FLG2: variants seen among roughly 807,000 people sequenced by gnomAD.
The protein encoded by FLG2 is filaggrin-2.
Under a neutral mutation model 3.9 loss-of-function variants are expected in FLG2, and 7 were observed. That is an observed-to-expected ratio of 1.79 (90% confidence interval 1.02 to 3.36). The LOEUF (loss-of-function observed/expected upper bound fraction) is 3.36. Ranked by LOEUF, FLG2 falls within the 30% of genes most tolerant of loss-of-function variation. The probability of loss-of-function intolerance (pLI) is 0.00; values close to 1 mark genes in which losing one functional copy is unlikely to be tolerated. For synonymous variants in FLG2, 1,031 were observed against 1,056.1 expected (o/e 0.98, Z 0.46); for missense variants, 2,700 against 2,809.4 (o/e 0.96, Z 0.88).
chr1:152,357,057 T>C lies in FLG2; in HGVS notation c.729A>G (p.Gly243=). The C allele has an allele frequency of 1.9e-6, 3 of 1,614,198 alleles. No homozygotes were observed. Among genetic ancestry groups the C allele is most frequent in the Non-Finnish European group, 2.5e-6 (3 of 1,180,032 alleles). The change falls in exon 3 of 3, where the codon GGA becomes GGG. Residue 243 remains glycine, a synonymous_variant. Coordinates refer to ENST00000388718, the MANE Select transcript of FLG2 (RefSeq NM_001014342.3). The part of the protein sequence containing the change: ...ERKGHGGLSC[G]LETSGHESNS... ...TTGATTCATGCCCACTAGTCTCCAA[T>C]CCACATGACAGACCACCATGACCTT...
In FLG2 at chr1:152,353,623, T is replaced by C; in HGVS notation, c.4163A>G (p.His1388Arg). ...GESESTVHER[H>R]ETTYGQTGEA... ...TCCTGTCTGTCCATAAGTAGTTTCA[T>C]GTCTCTCATGAACTGTGGATTCTGA... is the stretch of plus-strand genomic sequence containing the variant. The change falls in exon 3 of 3, where the codon CAT (histidine) becomes CGT (arginine). Residue 1388 changes from histidine to arginine, a missense_variant. His to Arg is a conservative substitution (Grantham distance 29). Transcript: ENST00000388718. 6.2e-7 allele frequency: 1 copy of C among 1,614,102 alleles called. No homozygotes were observed. Among genetic ancestry groups the C allele is most frequent in the Non-Finnish European group, 8.5e-7 (1 of 1,180,022 alleles).
chr1:152,356,107 C>T lies in FLG2; in HGVS notation c.1679G>A (p.Gly560Glu). The T allele has an allele frequency of 1.2e-6, 2 of 1,613,728 alleles. No homozygotes were observed. The highest frequency in any genetic ancestry group is 1.7e-6 in the Non-Finnish European group (2 of 1,179,994). The change falls in exon 3 of 3, where the codon GGG (glycine) becomes GAG (glutamate). Residue 560 changes from glycine to glutamate, a missense_variant. Gly to Glu is a moderately conservative substitution (Grantham distance 98). Transcript: ENST00000388718. ...SSQSSGYGQY[G>E]SRETSGFGQH... ...TCCAAAGCCAGATGTCTCTCTAGAC[C>T]CATATTGGCCATAGCCAGATGATTG...
chr1:152,351,525 A>G lies in FLG2; in HGVS notation c.6261T>C (p.His2087=), dbSNP rs1189340706. 2 of 1,611,814 alleles carry G rather than the reference A, an allele frequency of 1.2e-6. No individual in the cohort carries two copies. The highest frequency in any genetic ancestry group is 1.7e-6 in the Non-Finnish European group (2 of 1,179,574). ...TTGACCCTCTCTGTGTGGACTGTCC[A>G]TGACCAGAGTGAGCATGTCTAGTGG... is the stretch of plus-strand genomic sequence containing the variant. The part of the protein sequence containing the change: ...GDTTRHAHSG[H]GQSTQRGSRT... Residue 2087 remains histidine (H), a synonymous_variant, in exon 3 of 3, where the codon CAT becomes CAC. Coordinates refer to ENST00000388718, the MANE Select transcript of FLG2 (RefSeq NM_001014342.3).
At position 152,355,222 on chromosome 1, in the gene FLG2, G is replaced by A; in HGVS notation, c.2564C>T (p.Ser855Leu). The A allele has an allele frequency of 1.9e-6, 3 of 1,610,444 alleles. No individual in the cohort carries two copies. The highest frequency in any genetic ancestry group is 2.5e-6 in the Non-Finnish European group (3 of 1,179,084). ...YGQHGSGSSQSSGYGQHGSSS... is the reference protein window; with the variant it reads ...YGQHGSGSSQLSGYGQHGSSS... The stretch of plus-strand genomic sequence containing the variant: ...TGACCCATGTTGACCATAGCCAGAT[G>A]ATTGACTTGAGCCAGAACCATGTTG... Residue 855 changes from serine (S) to leucine (L), a missense_variant, in exon 3 of 3, where the codon TCA becomes TTA. Physicochemically the swap from Ser to Leu is moderately radical, Grantham distance 145. Transcript: ENST00000388718.
At position 152,351,031 on chromosome 1, in the gene FLG2, C is replaced by T; in HGVS notation, c.6755G>A (p.Gly2252Glu). The change falls in exon 3 of 3, where the codon GGA becomes GAA. Residue 2252 changes from glycine (G) to glutamate (E), a missense_variant. Transcript: ENST00000388718. Reference sequence around the variant, plus strand: ...GTCACTGGACTCACTGTGGCCAGATCCCCTTCTTCCAGTTGTCCTGGACCC... The same window carrying T: ...GTCACTGGACTCACTGTGGCCAGATTCCCTTCTTCCAGTTGTCCTGGACCC... ...QRGSRTTGRRGSGHSESSDSE... is the reference protein window; with the variant it reads ...QRGSRTTGRRESGHSESSDSE... The T allele has an allele frequency of 6.2e-7, 1 of 1,610,438 alleles. No individual in the cohort carries two copies. The highest frequency in any genetic ancestry group is 8.5e-7 in the Non-Finnish European group (1 of 1,179,224).
At position 152,348,738 on chromosome 1, in the gene FLG2, A is replaced by G. The variant is rs1653796660; in HGVS notation, c.*1872T>C. The stretch of plus-strand genomic sequence containing the variant: ...GGAGATGAAAGAGAAGAGAAACTAT[A>G]ACTTGATGAAATGTTTATTGCCAAT... On this transcript the variant is annotated 3_prime_UTR_variant, in exon 3 of 3. Transcript: ENST00000388718. The G allele has an allele frequency of 6.6e-6, 1 of 152,212 alleles. No homozygotes were observed. Among genetic ancestry groups the G allele is most frequent in the Admixed American group, 6.5e-5 (1 of 15,280 alleles). 9.4% of individuals were successfully genotyped at this position (152,212 alleles called of 1,614,324 possible).
chr1:152,352,313 T>G lies in FLG2; in HGVS notation c.5473A>C (p.Thr1825Pro), dbSNP rs1293787266. ...FSQRPHSRGH[T>P]HGQAGSQHGE... is the part of the protein sequence containing the mutation. ...TGTTGAGATCCAGCCTGGCCGTGAGTGTGTCCTCGTGAGTGTGGTCTTTGT... is the reference window on the plus strand; with the variant it reads ...TGTTGAGATCCAGCCTGGCCGTGAGGGTGTCCTCGTGAGTGTGGTCTTTGT... Residue 1825 changes from threonine (T) to proline (P), a missense_variant, in exon 3 of 3, where the codon ACT becomes CCT. Coordinates refer to ENST00000388718, the MANE Select transcript of FLG2 (RefSeq NM_001014342.3). The G allele has an allele frequency of 1.9e-6, 3 of 1,613,182 alleles. No homozygotes were observed. Among genetic ancestry groups the G allele is most frequent in the Non-Finnish European group, 1.7e-6 (2 of 1,179,750 alleles).
chr1:152,358,146 C>G (rs533610902), intron 2 of FLG2, among the ~76,000 whole-genome samples: 4 of 151,882 alleles, frequency 2.6e-5, no homozygotes, highest in Non-Finnish European at 5.9e-5. Context: ...CTCAGCCTCC[C>G]GAGTAGCTGG....
In FLG2 at chr1:152,352,681, G is replaced by GT; in HGVS notation, c.5104dup (p.Thr1702AsnfsTer3). The GT allele has an allele frequency of 6.2e-7, 1 of 1,613,696 alleles. No individual in the cohort carries two copies. The highest frequency in any genetic ancestry group is 8.5e-7 in the Non-Finnish European group (1 of 1,179,900). ...ATGATGATAGTGGGCATGTCTAGTGGTATCTCCTGTCTGTCCATGAGTAGT... is the reference window on the plus strand; with the variant it reads ...ATGATGATAGTGGGCATGTCTAGTGGTTATCTCCTGTCTGTCCATGAGTAGT... On this transcript the variant is annotated frameshift_variant, in exon 3 of 3. Coordinates refer to ENST00000388718, the MANE Select transcript of FLG2 (RefSeq NM_001014342.3). LOFTEE classifies it low-confidence loss of function (END_TRUNC).
At chr1:152,358,550 G>C (rs1467210457) in intron 2 of FLG2, among the ~76,000 whole-genome samples, 197 bp downstream of exon 2, 1 of 152,176 alleles carries the variant, frequency 6.6e-6, no homozygotes, top group Non-Finnish European at 1.5e-5. Flanking sequence ...GGAGTGCATA[G>C]GTGGAAAAGT....
chr1:152,357,995 C>A (rs184980968), intron 2 of FLG2, among the ~76,000 whole-genome samples: 2 of 151,610 alleles, frequency 1.3e-5, no homozygotes, highest in East Asian at 1.9e-4. Context: ...TGGAATTTAT[C>A]ATCTATTATT....
In FLG2 at chr1:152,350,914, T is replaced by A; in HGVS notation, c.6872A>T (p.His2291Leu). 1 of 1,613,902 alleles carries A rather than the reference T, an allele frequency of 6.2e-7. No homozygotes were observed. The highest frequency in any genetic ancestry group is 8.5e-7 in the Non-Finnish European group (1 of 1,179,958). Residue 2291 changes from histidine to leucine, a missense_variant, in exon 3 of 3, where the codon CAT (histidine) becomes CTT (leucine). Coordinates refer to ENST00000388718, the MANE Select transcript of FLG2 (RefSeq NM_001014342.3). ...TCCATGAGTAGTTTCCAGTCTCCCA[T>A]GAACTGTGGATCCTGGCTGTCTTTG... The part of the protein sequence containing the change: ...SQQRQPGSTV[H>L]GRLETTHGQT...
At chr1:152,358,928 A>G (rs1263957638) in intron 1 of FLG2, 22 bp from the exon 2 acceptor site, 13 of 1,581,320 alleles carry the variant, frequency 8.2e-6, no homozygotes, top group Non-Finnish European at 1.1e-5. Context: ...AAAACAAAGA[A>G]CCCTATTATT....
At position 152,354,316 on chromosome 1, in the gene FLG2, C is replaced by A. The variant is rs1654102671; in HGVS notation, c.3470G>T (p.Gly1157Val). The change falls in exon 3 of 3, where the codon GGT (glycine) becomes GTT (valine). Residue 1157 changes from glycine to valine, a missense_variant. Transcript: ENST00000388718. ...RSGQSSYGQH[G>V]TGSSQSSGCG... ...GCCAGATGATTGACTGGAGCCAGTA[C>A]CATGTTGGCCATAGCTAGACTGACC... 6.2e-7 allele frequency: 1 copy of A among 1,614,100 alleles called. No individual in the cohort carries two copies.
At chr1:152,358,637 A>C in intron 2 of FLG2, 110 bp downstream of exon 2, 15 of 1,030,090 alleles carry the variant, frequency 1.5e-5, no homozygotes, top group Non-Finnish European at 2.1e-5. Flanking sequence ...TACCACTCAT[A>C]GAGTTTGCTT....
chr1:152,358,999 C>T, intron 1 of FLG2, 93 bp from the exon 2 acceptor site: 1 of 1,219,260 alleles, frequency 8.2e-7, no homozygotes, highest in Non-Finnish European at 1.1e-6. Context: ...ATTTTTTTAA[C>T]CTCTTGTTTT....
In FLG2 at chr1:152,353,640, G is replaced by C. The variant is rs1411559923; in HGVS notation, c.4146C>G (p.Ser1382=). 1.2e-6 allele frequency: 2 copies of C among 1,613,962 alleles called. No individual in the cohort carries two copies. The highest frequency in any genetic ancestry group is 1.7e-5 in the Admixed American group (1 of 60,016). The change falls in exon 3 of 3, where the codon TCC becomes TCG. Residue 1382 remains serine (S), a synonymous_variant. Transcript: ENST00000388718. ...TAGTTTCATGTCTCTCATGAACTGT[G>C]GATTCTGACTCTCCATGTTGAGATC... The part of the protein sequence containing the change: ...QAGSQHGESE[S]TVHERHETTY...
In FLG2 at chr1:152,350,851, T is replaced by C; in HGVS notation, c.6935A>G (p.Tyr2312Cys). Residue 2312 changes from tyrosine to cysteine, a missense_variant, in exon 3 of 3, where the codon TAT (tyrosine) becomes TGT (cysteine). Transcript: ENST00000388718. Reference protein sequence around the residue: ...GDTTRHGHSGYGQSTQTGSRS... With the variant: ...GDTTRHGHSGCGQSTQTGSRS... ...GGAACCTGTCTGTGTGGATTGTCCA[T>C]AACCAGAATGGCCATGTCTAGTGGT... The C allele has an allele frequency of 6.2e-7, 1 of 1,614,224 alleles. No homozygotes were observed. The highest frequency in any genetic ancestry group is 8.5e-7 in the Non-Finnish European group (1 of 1,180,038).
rs867261091 is a variant in FLG2 at position 152,353,713 on chromosome 1, C to T, written c.4073G>A (p.Gly1358Glu). The change falls in exon 3 of 3, where the codon GGG becomes GAG. Residue 1358 changes from glycine to glutamate, a missense_variant. By Grantham distance (98) the Gly-to-Glu change is moderately conservative. Transcript: ENST00000388718. ...SDATDSEVHS[G>E]VSHRPHSQEQ... ...TTGTGAGTGTGGTCTATGTGAGACC[C>T]CTGAGTGCACTTCACTGTCAGTGGC... is the stretch of plus-strand genomic sequence containing the variant. 1.2e-6 allele frequency: 2 copies of T among 1,613,910 alleles called. No homozygotes were observed. Among genetic ancestry groups the T allele is most frequent in the Non-Finnish European group, 1.7e-6 (2 of 1,180,002 alleles).
Sources: gnomAD v4.1 joint callset for allele counts (sites outside exome capture counted in the v4.1 genomes callset) on GRCh38, gnomAD v4.1.1 for gene constraint, MANE v1.5 for transcripts, NCBI Gene and HGNC (gene_info 2026-07-23, HGNC 2026-07-21) for gene names.